The following ADCY2 variants were observed in gnomAD, a reference collection of about 807,000 sequenced individuals.
The protein encoded by ADCY2 is adenylate cyclase type 2.
A neutral mutation model predicts 125.2 loss-of-function variants in ADCY2; 31 were observed. That is an observed-to-expected ratio of 0.25 (90% confidence interval 0.19 to 0.33). The LOEUF is 0.33. Ranked by LOEUF, ADCY2 falls within the 10% of genes least tolerant of loss-of-function variation. ADCY2 has a pLI of 1.00. For missense variants in ADCY2, 904 were observed against 1,418.2 expected (o/e 0.64, Z 5.82); for synonymous variants, 512 against 548.4 (o/e 0.93, Z 0.93).
intron 4 of ADCY2, among the ~76,000 whole-genome samples, chr5:7,634,155 C>T (rs542004520): frequency 4.0e-4 from 61 of 152,224 alleles, no homozygotes; most frequent in African/African-American, 1.3e-3. Context: ...TTTCATGGGG[C>T]TGACTTCAAA....
At position 7,773,069 on chromosome 5, in the gene ADCY2, C is replaced by T. The variant is rs199745252; in HGVS notation, c.2352C>T (p.Val784=). The part of the protein sequence containing the change: ...NTILLHTHAH[V]LGDYSQVLFE... ...TCCTACTCCACACCCACGCCCACGT[C>T]CTGGGCGACTACAGCCAGGTCTTAT... Residue 784 remains valine (V), a synonymous_variant, in exon 18 of 25, where the codon GTC becomes GTT. Transcript: ENST00000338316. 6.2e-7 allele frequency: 1 copy of T among 1,614,138 alleles called. No homozygotes were observed. Among genetic ancestry groups the T allele is most frequent in the East Asian group, 2.2e-5 (1 of 44,882 alleles).
Position 7,471,011 on chromosome 5 carries a change from A to C in ADCY2, c.409-49727A>C, listed in dbSNP as rs546233513. On this transcript the variant is annotated intron_variant, in intron 2 of 24. Coordinates refer to ENST00000338316, the MANE Select transcript of ADCY2 (RefSeq NM_020546.3). ...TGAATTTGCTCTTTTATCAGTAAGTAATGTCCTTTTTTATTATTAATAATA... is the reference window on the plus strand; with the variant it reads ...TGAATTTGCTCTTTTATCAGTAAGTCATGTCCTTTTTTATTATTAATAATA... 5.9e-5 allele frequency among the ~76,000 whole-genome samples: 9 copies of C among 151,970 alleles called. 1 individual carries two copies. The South Asian group carries it at 1.9e-3, about 32-fold the overall frequency.
At chr5:7,724,512 G>C (rs1029709123) in intron 12 of ADCY2, 33 bp from the exon 13 acceptor site, 1 of 1,548,358 alleles carries the variant, frequency 6.5e-7, no homozygotes, top group Non-Finnish European at 8.9e-7. Flanking sequence ...TGGAGATTCA[G>C]TTTTATGATG....
chr5:7,785,415 C>T lies in ADCY2; in HGVS notation c.2469+966C>T, dbSNP rs1744051416. On this transcript the variant is annotated intron_variant, in intron 19 of 24. Coordinates refer to ENST00000338316, the MANE Select transcript of ADCY2 (RefSeq NM_020546.3). ...AGGAGCTCATGGTGCAGCCCTCATC[C>T]ATCTCCCTAGCACCGAGCTGTCCTG... 2.0e-5 allele frequency among the ~76,000 whole-genome samples: 3 copies of T among 152,202 alleles called. No homozygotes were observed. The South Asian group carries it at 6.2e-4, about 32-fold the overall frequency.
At chr5:7,473,811 C>T (rs866117580) in intron 2 of ADCY2, among the ~76,000 whole-genome samples, 2 of 152,162 alleles carry the variant, frequency 1.3e-5, no homozygotes, top group South Asian at 4.1e-4. Flanking sequence ...CTTATGAATG[C>T]TTGGTGGAGG....
chr5:7,557,982 A>C (rs1395221162), intron 3 of ADCY2, among the ~76,000 whole-genome samples: 1 of 151,610 alleles, frequency 6.6e-6, no homozygotes, highest in Admixed American at 6.6e-5. Flanking sequence ...ACTCTCACCA[A>C]CTGTGTATAA....
intron 4 of ADCY2, chr5:7,654,248 G>C (rs557082819): frequency 6.9e-6 from 3 of 433,650 alleles, no homozygotes; most frequent in South Asian, 5.0e-5. Flanking sequence ...TTTCAGGAAG[G>C]AAGAAGGCAA....
intron 2 of ADCY2, among the ~76,000 whole-genome samples, chr5:7,461,729 A>G (rs1741925201): frequency 6.6e-6 from 1 of 152,236 alleles, no homozygotes; most frequent in Non-Finnish European, 1.5e-5. Flanking sequence ...TTATTAGATA[A>G]ATCTTCAAGT....
chr5:7,595,327 A>G (rs1472640122), intron 3 of ADCY2, among the ~76,000 whole-genome samples: 2 of 152,222 alleles, frequency 1.3e-5, no homozygotes, highest in African/African-American at 2.4e-5. Context: ...TAATACTTAT[A>G]TACTGTATTA....
Position 7,695,745 on chromosome 5 carries a change from C to T in ADCY2, c.870-7C>T, listed in dbSNP as rs1348824941. On this transcript the variant is annotated splice_region_variant and splice_polypyrimidine_tract_variant and intron_variant, in intron 5 of 24. Coordinates refer to ENST00000338316, the MANE Select transcript of ADCY2 (RefSeq NM_020546.3). Reference sequence around the variant, plus strand: ...ACTCTGTCTCCTCACCTCCTTTCTTCCCACAGCATCTTATACGCTGACATC... The same window carrying T: ...ACTCTGTCTCCTCACCTCCTTTCTTTCCACAGCATCTTATACGCTGACATC... The T allele has an allele frequency of 6.3e-7, 1 of 1,588,604 alleles. No homozygotes were observed. Among genetic ancestry groups the T allele is most frequent in the Non-Finnish European group, 8.6e-7 (1 of 1,165,490 alleles).
intron 3 of ADCY2, among the ~76,000 whole-genome samples, chr5:7,557,081 A>G (rs973756316): frequency 1.3e-5 from 2 of 151,612 alleles, no homozygotes; most frequent in Admixed American, 6.6e-5. Context: ...GATGTTTTCA[A>G]TGAATACAGC....
At chr5:7,572,930 T>A (rs949367305) in intron 3 of ADCY2, among the ~76,000 whole-genome samples, 38 of 152,250 alleles carry the variant, frequency 2.5e-4, no homozygotes, top group African/African-American at 8.4e-4. Context: ...ATTTGGAGAT[T>A]GAGTCTTTAC....
At chr5:7,643,384 C>A (rs1436016875) in intron 4 of ADCY2, among the ~76,000 whole-genome samples, 1 of 151,994 alleles carries the variant, frequency 6.6e-6, no homozygotes, top group African/African-American at 2.4e-5. Flanking sequence ...TGCTTTCTAC[C>A]TGAGCTCATA....
At chr5:7,441,700 A>G (rs1337072056) in intron 2 of ADCY2, among the ~76,000 whole-genome samples, 4 of 152,178 alleles carry the variant, frequency 2.6e-5, no homozygotes, top group African/African-American at 9.7e-5. Flanking sequence ...GTACCTCATA[A>G]TTCAATTAAA....
chr5:7,750,206 G>T (rs1293666550), intron 15 of ADCY2, among the ~76,000 whole-genome samples: 1 of 151,678 alleles, frequency 6.6e-6, no homozygotes, highest in Non-Finnish European at 1.5e-5. Flanking sequence ...CCTTCTTTTG[G>T]ACTCCTGGAG....
intron 3 of ADCY2, among the ~76,000 whole-genome samples, chr5:7,602,780 G>A (rs769317782): frequency 3.0e-4 from 45 of 152,262 alleles, no homozygotes; most frequent in Non-Finnish European, 4.9e-4. Flanking sequence ...GTTAACAGAA[G>A]CGTATCCTAC....
intron 20 of ADCY2, among the ~76,000 whole-genome samples, chr5:7,790,171 C>A (rs326126): frequency 6.6e-6 from 1 of 151,804 alleles, no homozygotes; most frequent in East Asian, 1.9e-4. Flanking sequence ...CTTACCAGCA[C>A]GCAATGGAGG....
chr5:7,603,707 C>T (rs992005038), intron 3 of ADCY2, among the ~76,000 whole-genome samples: 7 of 132,892 alleles, frequency 5.3e-5, no homozygotes, highest in South Asian at 2.5e-4. Context: ...AAGAAGACAC[C>T]GTCGTTAGGG....
At chr5:7,766,259 G>A (rs1226771375) in intron 16 of ADCY2, among the ~76,000 whole-genome samples, 1 of 152,050 alleles carries the variant, frequency 6.6e-6, no homozygotes, top group Non-Finnish European at 1.5e-5. Context: ...AAATTCATAG[G>A]ACTGTATTGA....
Sources: gnomAD v4.1 joint callset for allele counts (sites outside exome capture counted in the v4.1 genomes callset) on GRCh38, gnomAD v4.1.1 for gene constraint, MANE v1.5 for transcripts, NCBI Gene and HGNC (gene_info 2026-07-23, HGNC 2026-07-21) for gene names.